Variants in PXDC1 observed in about 807,000 individuals in gnomAD.
PXDC1 encodes the protein PX domain-containing protein 1.
PXDC1 carries 13 observed loss-of-function variants against 24.4 expected under a neutral mutation model. The observed-to-expected ratio is 0.53, with a 90% CI of 0.35 to 0.85. The LOEUF (loss-of-function observed/expected upper bound fraction) is 0.85, where lower values mean the gene tolerates loss of function less well. PXDC1 is among the 40% of genes least tolerant of loss of function. The pLI is 0.01. For synonymous variants in PXDC1, 162 were observed against 124.9 expected, an observed-to-expected ratio of 1.30 and a Z score of -1.98; for missense variants, 344 against 309.3, an observed-to-expected ratio of 1.11 and a Z score of -0.84.
chr6:3,739,449 GC>G (rs1760405598), intron 1 of PXDC1, among the ~76,000 whole-genome samples: 1 of 152,246 alleles, frequency 6.6e-6, no homozygotes, highest in Non-Finnish European at 1.5e-5. Flanking sequence ...ATCTGATCCT[GC>G]CCCCTCCACT....
rs1220623113 is a variant in PXDC1, at chr6:3,725,938, A to C, written c.578+1613T>G. Among the ~76,000 whole-genome samples, 1 of 152,050 alleles carries C rather than the reference A, an allele frequency of 6.6e-6. No individual in the cohort carries two copies. The highest frequency in any genetic ancestry group is 1.5e-5 in the Non-Finnish European group (1 of 67,982). On this transcript the variant is annotated intron_variant, in intron 4 of 4. Transcript: ENST00000380283. The surrounding 1 kb of genome is among the most constrained non-coding windows in gnomAD (Gnocchi z 4.8). ...CTCTGTGAGCCAGGCATCCCGGAGC[A>C]GGTGGCCGCCTATTCAAGACCTGTC...
rs1760118272 is a variant in PXDC1, at chr6:3,728,366, A to G, written c.467-704T>C. ...CTCCCACTTCTAAGTGAGAATATAC[A>G]ATATTGGTTGCCCATTCCTGAGTTA... is the stretch of plus-strand genomic sequence containing the variant. On this transcript the variant is annotated intron_variant, in intron 3 of 4. Transcript: ENST00000380283. The surrounding 1 kb of genome is among the most constrained non-coding windows in gnomAD (Gnocchi z 4.0). Among the ~76,000 whole-genome samples, 1 of 152,188 alleles carries G rather than the reference A, an allele frequency of 6.6e-6. No individual in the cohort carries two copies. The highest frequency in any genetic ancestry group is 1.5e-5 in the Non-Finnish European group (1 of 68,038).
Position 3,737,272 on chromosome 6 carries a change from C to CAACGTGTAGAGG in PXDC1, c.349-77_349-76insCCTCTACACGTT. The CAACGTGTAGAGG allele has an allele frequency of 2.0e-6, 2 of 1,010,334 alleles. No individual in the cohort carries two copies. The highest frequency in any genetic ancestry group is 3.1e-6 in the Non-Finnish European group (2 of 641,270). 62.6% of individuals were successfully genotyped at this position (1,010,334 alleles called of 1,614,324 possible). ...CCCTGTCTGTCTACCAAGAGAGGGC[C>CAACGTGTAGAGG]CCGCTCCTCCGCAGAGGCAGCCTGT... On this transcript the variant is annotated intron_variant, in intron 2 of 4. Transcript: ENST00000380283. This position sits in a 1 kb window ranked among gnomAD's most constrained non-coding sequence, Gnocchi z 5.5.
Position 3,737,918 on chromosome 6 carries a change from T to C in PXDC1, c.348+139A>G, listed in dbSNP as rs1760358264. 1.3e-6 allele frequency: 1 copy of C among 761,534 alleles called. No homozygotes were observed. Among genetic ancestry groups the C allele is most frequent in the Admixed American group, 2.4e-5 (1 of 41,714 alleles). 47.2% of individuals were successfully genotyped at this position (761,534 alleles called of 1,614,324 possible). A position where few individuals can be genotyped will look rare whatever the true frequency, so the allele number is the denominator to read the frequency against. Reference sequence around the variant, plus strand: ...CCTCCACTCCGTCCCTATCGCCTGGTACTACCAGGGAGGGAACAAAACGGC... The same window carrying C: ...CCTCCACTCCGTCCCTATCGCCTGGCACTACCAGGGAGGGAACAAAACGGC... On this transcript the variant is annotated intron_variant, in intron 2 of 4. Coordinates refer to ENST00000380283, the MANE Select transcript of PXDC1 (RefSeq NM_183373.4). This position sits in a 1 kb window ranked among gnomAD's most constrained non-coding sequence, Gnocchi z 5.5.
intron 1 of PXDC1, among the ~76,000 whole-genome samples, chr6:3,743,542 A>G (rs1760496748): frequency 6.6e-6 from 1 of 152,132 alleles, no homozygotes; most frequent in South Asian, 2.1e-4. Context: ...AAATATCTAA[A>G]ATGTTTTAGG....
chr6:3,734,437 G>A (rs1331170473), intron 3 of PXDC1, among the ~76,000 whole-genome samples: 1 of 152,172 alleles, frequency 6.6e-6, no homozygotes, highest in Non-Finnish European at 1.5e-5. Context: ...ACTGGTGCTA[G>A]GACTCTCCCC....
chr6:3,750,518 G>C (rs1047325504), intron 1 of PXDC1, among the ~76,000 whole-genome samples: 1 of 152,100 alleles, frequency 6.6e-6, no homozygotes, highest in Non-Finnish European at 1.5e-5. Flanking sequence ...CGTCCTCCCG[G>C]CTTCCACCCC....
Position 3,751,425 on chromosome 6 carries a change from T to C in PXDC1, c.107A>G (p.Glu36Gly). The C allele has an allele frequency of 6.3e-7, 1 of 1,586,282 alleles. No individual in the cohort carries two copies. The highest frequency in any genetic ancestry group is 8.6e-7 in the Non-Finnish European group (1 of 1,167,282). ...RLIVSRRGDE[E>G]EFFEIRTEWS... ...CTCCGTGCGGATCTCGAAGAACTCC[T>C]CTTCGTCGCCGCGCCGGCTGACGAT... The change falls in exon 1 of 5, where the codon GAG becomes GGG. Residue 36 changes from glutamate (E) to glycine (G), a missense_variant. Physicochemically the swap from Glu to Gly is moderately conservative, Grantham distance 98. Transcript: ENST00000380283.
At chr6:3,751,161 C>A in intron 1 of PXDC1, 115 bp downstream of exon 1, 1 of 857,874 alleles carries the variant, frequency 1.2e-6, no homozygotes, top group South Asian at 2.0e-5. Flanking sequence ...TGTCCCCTGT[C>A]CAGGGCGGGC....
intron 3 of PXDC1, among the ~76,000 whole-genome samples, chr6:3,732,004 A>G (rs961578151): frequency 3.3e-5 from 5 of 152,180 alleles, no homozygotes; most frequent in Admixed American, 2.6e-4. Flanking sequence ...TTCCCTTTGT[A>G]GTTAATTGAA....
At chr6:3,735,486 C>T (rs908830920) in intron 3 of PXDC1, among the ~76,000 whole-genome samples, 4 of 152,156 alleles carry the variant, frequency 2.6e-5, no homozygotes, top group Non-Finnish European at 5.9e-5. Flanking sequence ...GCAGGCATTA[C>T]GTTAAGTGAA....
At chr6:3,743,160 T>C (rs1341592698) in intron 1 of PXDC1, among the ~76,000 whole-genome samples, 1 of 152,180 alleles carries the variant, frequency 6.6e-6, no homozygotes, top group Admixed American at 6.5e-5. Context: ...CTTGGCCATC[T>C]GACTCTAGCG....
chr6:3,723,629 A>G lies in PXDC1; in HGVS notation c.686T>C (p.Ile229Thr). ...YYHLVPFETD[I>T]WD ...GCCTGATAGAGAGGTTCAGTCCCAAATGTCTGTCTCGAAGGGGACCAGGTG... is the reference window on the plus strand; with the variant it reads ...GCCTGATAGAGAGGTTCAGTCCCAAGTGTCTGTCTCGAAGGGGACCAGGTG... Residue 229 changes from isoleucine to threonine, a missense_variant, in exon 5 of 5, where the codon ATT (isoleucine) becomes ACT (threonine). Physicochemically the swap from Ile to Thr is moderately conservative, Grantham distance 89 (BLOSUM62 -1). Coordinates refer to ENST00000380283, the MANE Select transcript of PXDC1 (RefSeq NM_183373.4). 1 of 1,613,610 alleles carries G rather than the reference A, an allele frequency of 6.2e-7. No homozygotes were observed. The highest frequency in any genetic ancestry group is 8.5e-7 in the Non-Finnish European group (1 of 1,179,520).
intron 1 of PXDC1, among the ~76,000 whole-genome samples, chr6:3,750,193 C>G (rs1342286292): frequency 6.6e-6 from 1 of 152,224 alleles, no homozygotes; most frequent in Admixed American, 6.5e-5. Flanking sequence ...GGGGAAAGCA[C>G]AGGTTATCTC....
At chr6:3,751,086 G>A in intron 1 of PXDC1, 190 bp downstream of exon 1, 1 of 506,306 alleles carries the variant, frequency 2.0e-6, no homozygotes, top group Admixed American at 4.3e-5. Context: ...GGCTGGGCAG[G>A]CTGGCTCCCC....
intron 1 of PXDC1, among the ~76,000 whole-genome samples, chr6:3,748,139 G>C (rs1760609921): frequency 1.3e-5 from 2 of 152,168 alleles, no homozygotes; most frequent in African/African-American, 4.8e-5. Flanking sequence ...TGTAAATAAA[G>C]GGTAACCCTG....
At chr6:3,744,603 C>T (rs1348416890) in intron 1 of PXDC1, among the ~76,000 whole-genome samples, 1 of 152,204 alleles carries the variant, frequency 6.6e-6, no homozygotes, top group Admixed American at 6.5e-5. Flanking sequence ...TCACAAATCC[C>T]GGGAAAGGGC....
chr6:3,726,598 C>T (rs914578207), intron 4 of PXDC1, among the ~76,000 whole-genome samples: 4 of 152,256 alleles, frequency 2.6e-5, no homozygotes, highest in African/African-American at 4.8e-5. Context: ...AGGCCCAGGC[C>T]GCCGGCTGGG....
At chr6:3,732,078 C>T (rs1760211788) in intron 3 of PXDC1, among the ~76,000 whole-genome samples, 1 of 152,248 alleles carries the variant, frequency 6.6e-6, no homozygotes, top group East Asian at 1.9e-4. Flanking sequence ...ATCTTTGCAT[C>T]TATCAATCAA....
Sources: gnomAD v4.1 joint callset for allele counts (sites outside exome capture counted in the v4.1 genomes callset) on GRCh38, gnomAD v4.1.1 for gene constraint, Gnocchi (gnomAD v3.1) non-coding constraint, MANE v1.5 for transcripts, NCBI Gene and HGNC (gene_info 2026-07-23, HGNC 2026-07-21) for gene names.